Variants in PTPRT observed in about 807,000 individuals in gnomAD.
The protein encoded by PTPRT is protein tyrosine phosphatase receptor type T.
Under a neutral mutation model 176.8 loss-of-function variants are expected in PTPRT, and 56 were observed. That is an observed-to-expected ratio of 0.32 (90% CI 0.26 to 0.40). PTPRT has a LOEUF of 0.40. Ranked by LOEUF, PTPRT falls within the 10% of genes least tolerant of loss-of-function variation. The probability of loss-of-function intolerance (pLI) is 1.00; values close to 1 mark genes in which losing one functional copy is unlikely to be tolerated. For synonymous variants in PTPRT, 783 were observed against 739.0 expected (o/e 1.06, Z -0.96); for missense variants, 1,540 against 1,908.2 (o/e 0.81, Z 3.60).
intron 1 of PTPRT, among the ~76,000 whole-genome samples, chr20:42,909,539 C>A (rs1170371681): frequency 6.6e-6 from 1 of 152,232 alleles, no homozygotes; most frequent in African/African-American, 2.4e-5. Flanking sequence ...GAAGCTTAAG[C>A]TTCGTAGCTC....
chr20:43,084,416 C>T (rs560760323), intron 1 of PTPRT, among the ~76,000 whole-genome samples: 59 of 152,208 alleles, frequency 3.9e-4, no homozygotes, highest in African/African-American at 1.4e-3. Context: ...AAGCAAGAAC[C>T]TTCTTCATAT....
At chr20:42,786,516 G>A (rs1280003629) in intron 3 of PTPRT, among the ~76,000 whole-genome samples, 1 of 152,190 alleles carries the variant, frequency 6.6e-6, no homozygotes, top group Non-Finnish European at 1.5e-5. Flanking sequence ...TACGCTGGAA[G>A]ATAGGACATG....
At chr20:43,111,037 G>C (rs959725202) in intron 1 of PTPRT, among the ~76,000 whole-genome samples, 15 of 152,144 alleles carry the variant, frequency 9.9e-5, no homozygotes, top group Non-Finnish European at 1.9e-4. Context: ...GAAATGGCTG[G>C]AAAAGAAGAA....
At chr20:43,038,128 A>C (rs1986459822) in intron 1 of PTPRT, among the ~76,000 whole-genome samples, 2 of 151,264 alleles carry the variant, frequency 1.3e-5, no homozygotes, top group Admixed American at 1.3e-4. Context: ...TGTTTGATTA[A>C]GGAGCACTTC....
chr20:42,259,846 T>C (rs1328040155), intron 13 of PTPRT, among the ~76,000 whole-genome samples: 1 of 152,186 alleles, frequency 6.6e-6, no homozygotes, highest in Non-Finnish European at 1.5e-5. Flanking sequence ...ATGTAGCCCA[T>C]GGCCATGAAA....
chr20:42,781,563 C>G (rs2077216250), intron 3 of PTPRT, among the ~76,000 whole-genome samples: 1 of 152,104 alleles, frequency 6.6e-6, no homozygotes, highest in South Asian at 2.1e-4. Flanking sequence ...TCCCTTTTAT[C>G]CCTAATTTTG....
intron 1 of PTPRT, among the ~76,000 whole-genome samples, chr20:42,998,248 G>A (rs1437019276): frequency 1.3e-5 from 2 of 152,122 alleles, no homozygotes; most frequent in Non-Finnish European, 2.9e-5. Context: ...AACAATTCTA[G>A]CTATTGCATT....
intron 13 of PTPRT, chr20:42,270,363 T>C: frequency 7.5e-7 from 1 of 1,332,714 alleles, no homozygotes; most frequent in Non-Finnish European, 1.0e-6. Context: ...TGGGCAACTC[T>C]CCCCTCCCAC....
intron 6 of PTPRT, among the ~76,000 whole-genome samples, chr20:42,754,195 T>A (rs1025490633): frequency 2.8e-4 from 38 of 136,150 alleles, no homozygotes; most frequent in African/African-American, 9.4e-4. Flanking sequence ...CAAAAAAAAT[T>A]TTTTTTTTGA....
intron 9 of PTPRT, among the ~76,000 whole-genome samples, chr20:42,432,518 G>A (rs7268919): frequency 0.44 from 66,742 of 151,984 alleles, 15,771 homozygotes; most frequent in Admixed American, 0.54. Flanking sequence ...GAAATCACAC[G>A]TTACTACATT....
At chr20:42,655,944 G>A (rs371802136) in intron 7 of PTPRT, among the ~76,000 whole-genome samples, 1 of 152,178 alleles carries the variant, frequency 6.6e-6, no homozygotes, top group South Asian at 2.1e-4. Context: ...TCTAGGAAGA[G>A]TTTGTGTAAT....
At chr20:42,348,748 C>T (rs919299389) in intron 11 of PTPRT, among the ~76,000 whole-genome samples, 34 of 152,094 alleles carry the variant, frequency 2.2e-4, no homozygotes, top group African/African-American at 3.9e-4. Flanking sequence ...GTAATAAACA[C>T]GAATGGCTAT....
At chr20:42,463,145 G>C (rs1268770424) in intron 8 of PTPRT, among the ~76,000 whole-genome samples, 1 of 152,050 alleles carries the variant, frequency 6.6e-6, no homozygotes, top group East Asian at 1.9e-4. Flanking sequence ...TCCTTTGCAA[G>C]GAGATAGACT....
chr20:42,627,291 T>A (rs974146744), intron 7 of PTPRT, among the ~76,000 whole-genome samples: 1 of 151,756 alleles, frequency 6.6e-6, no homozygotes, highest in African/African-American at 2.4e-5. Flanking sequence ...TTATTTTATT[T>A]TTTATTTTTT....
chr20:42,685,736 C>A (rs2075680597), intron 6 of PTPRT: 1 of 152,080 alleles, frequency 6.6e-6, no homozygotes, highest in Non-Finnish European at 1.5e-5. Context: ...AATATAGGTA[C>A]TATTTTTTCT....
At chr20:42,965,617 A>G (rs1424623347) in intron 1 of PTPRT, among the ~76,000 whole-genome samples, 4 of 152,352 alleles carry the variant, frequency 2.6e-5, no homozygotes, top group African/African-American at 9.6e-5. Flanking sequence ...CGTTTAAAAA[A>G]GTCCCCAATA....
At chr20:43,142,336 C>T (rs900800759) in intron 1 of PTPRT, among the ~76,000 whole-genome samples, 6 of 152,244 alleles carry the variant, frequency 3.9e-5, no homozygotes, top group African/African-American at 7.2e-5. Context: ...ACAGGGCACA[C>T]GACTGTCCCC....
intron 7 of PTPRT, among the ~76,000 whole-genome samples, chr20:42,475,575 C>T (rs914819138): frequency 2.0e-5 from 3 of 152,086 alleles, no homozygotes; most frequent in African/African-American, 4.8e-5. Context: ...TGAGGCATGT[C>T]GCCTTCATCA....
At chr20:42,470,692 T>C (rs563060612) in intron 8 of PTPRT, among the ~76,000 whole-genome samples, 1 of 151,970 alleles carries the variant, frequency 6.6e-6, no homozygotes, top group South Asian at 2.1e-4. Context: ...TCTGGGGCAA[T>C]CAAGGAAAGC....
Sources: allele counts gnomAD v4.1 joint callset (sites outside exome capture counted in the v4.1 genomes callset), GRCh38; gene constraint gnomAD v4.1.1; transcripts MANE v1.5; gene names NCBI Gene and HGNC (gene_info 2026-07-23, HGNC 2026-07-21).